SNTG1: variants seen among roughly 807,000 people sequenced by gnomAD.
SNTG1 encodes the protein syntrophin gamma 1.
Under a neutral mutation model 74.7 loss-of-function variants are expected in SNTG1, and 39 were observed. The observed-to-expected ratio is 0.52, with a 90% CI of 0.40 to 0.68. The LOEUF is 0.68. Among genes scored for constraint, SNTG1 ranks in the 30% least tolerant of loss-of-function variants. The pLI is 0.00. For missense variants in SNTG1, 685 were observed against 609.5 expected (o/e 1.12, Z -1.30); for synonymous variants, 254 against 217.1 (o/e 1.17, Z -1.49).
intron 1 of SNTG1, among the ~76,000 whole-genome samples, chr8:50,155,959 T>G (rs1396875172): frequency 6.6e-6 from 1 of 151,184 alleles, no homozygotes; most frequent in Non-Finnish European, 1.5e-5. Flanking sequence ...ACTACATATA[T>G]AGAAGTGTAA....
intron 13 of SNTG1, among the ~76,000 whole-genome samples, chr8:50,600,622 T>A (rs1342901686): frequency 6.6e-6 from 1 of 152,162 alleles, no homozygotes; most frequent in Admixed American, 6.5e-5. Flanking sequence ...ATTGAATTTA[T>A]GTGGTATCAG....
chr8:50,498,776 G>T (rs1008848335), intron 8 of SNTG1, among the ~76,000 whole-genome samples: 1 of 151,802 alleles, frequency 6.6e-6, no homozygotes, highest in Non-Finnish European at 1.5e-5. Context: ...TGTCGTGTAA[G>T]GTATAGCTCA....
At chr8:50,143,330 T>A (rs1282400782) in intron 1 of SNTG1, among the ~76,000 whole-genome samples, 2 of 152,144 alleles carry the variant, frequency 1.3e-5, no homozygotes, top group Non-Finnish European at 2.9e-5. Flanking sequence ...ACTACTAAAT[T>A]TTTATTGAGA....
At position 50,546,984 on chromosome 8, in the gene SNTG1, T is replaced by C. The variant is rs527622017; in HGVS notation, c.681-6066T>C. On this transcript the variant is annotated intron_variant, in intron 11 of 18. Coordinates refer to ENST00000642720, the MANE Select transcript of SNTG1 (RefSeq NM_018967.5). ...TTTTAGTAGAGATGGGGTTTTGCCA[T>C]GTTGGCCAGGCTGGTCTCGAACTCA... Among the ~76,000 whole-genome samples the C allele has an allele frequency of 5.3e-5, 8 of 152,212 alleles. No homozygotes were observed. The East Asian group carries it at 1.4e-3, about 26-fold the overall frequency.
At chr8:50,143,123 A>T (rs968809637) in intron 1 of SNTG1, among the ~76,000 whole-genome samples, 1 of 152,114 alleles carries the variant, frequency 6.6e-6, no homozygotes, top group Non-Finnish European at 1.5e-5. Flanking sequence ...AATAAAGTCC[A>T]TAGTGTCTCC....
In SNTG1 at chr8:50,430,177, A is replaced by G. The variant is rs575468033; in HGVS notation, c.163-8366A>G. Reference sequence around the variant, plus strand: ...ATAAATTAATTGTGGTGAATGCACAACTGTGACTATGCTAAAAGTCATTGA... The same window carrying G: ...ATAAATTAATTGTGGTGAATGCACAGCTGTGACTATGCTAAAAGTCATTGA... On this transcript the variant is annotated intron_variant, in intron 4 of 18. Coordinates refer to ENST00000642720, the MANE Select transcript of SNTG1 (RefSeq NM_018967.5). Among the ~76,000 whole-genome samples, 17 of 152,322 alleles carry G rather than the reference A, an allele frequency of 1.1e-4. No homozygotes were observed. In the South Asian group the frequency reaches 3.3e-3, roughly 30 times the overall value.
intron 1 of SNTG1, among the ~76,000 whole-genome samples, chr8:49,923,593 G>A (rs1027286951): frequency 6.6e-6 from 1 of 152,006 alleles, no homozygotes; most frequent in Non-Finnish European, 1.5e-5. Flanking sequence ...TGAGTCCTAG[G>A]AGGAAGATGG....
chr8:50,671,845 C>G (rs1028235879), intron 15 of SNTG1, among the ~76,000 whole-genome samples: 4 of 151,698 alleles, frequency 2.6e-5, no homozygotes, highest in Non-Finnish European at 5.9e-5. Context: ...ACATATACAC[C>G]ATGGAATATT....
intron 1 of SNTG1, among the ~76,000 whole-genome samples, chr8:50,076,848 CA>C (rs921367593): frequency 6.6e-6 from 1 of 152,002 alleles, no homozygotes; most frequent in African/African-American, 2.4e-5. Flanking sequence ...AGGAGATATC[CA>C]GAACTTTATT....
chr8:50,108,421 T>A (rs1424021902), intron 1 of SNTG1, among the ~76,000 whole-genome samples: 1 of 152,148 alleles, frequency 6.6e-6, no homozygotes, highest in Non-Finnish European at 1.5e-5. Flanking sequence ...TTGCAATAAT[T>A]TCACATGGAA....
intron 8 of SNTG1, among the ~76,000 whole-genome samples, chr8:50,487,509 TA>T (rs933635574): frequency 3.2e-4 from 48 of 152,136 alleles, no homozygotes; most frequent in African/African-American, 1.0e-3. Context: ...TATGCAGCCA[TA>T]AAAAATGATG....
intron 1 of SNTG1, among the ~76,000 whole-genome samples, chr8:50,126,014 T>C (rs995289168): frequency 3.3e-5 from 5 of 152,120 alleles, no homozygotes; most frequent in African/African-American, 1.2e-4. Flanking sequence ...TAGGTGAACT[T>C]TTCCTGCCAT....
At chr8:50,633,737 G>C (rs923351015) in intron 13 of SNTG1, among the ~76,000 whole-genome samples, 2 of 152,104 alleles carry the variant, frequency 1.3e-5, no homozygotes, top group Non-Finnish European at 2.9e-5. Flanking sequence ...ATTCTATGGC[G>C]CTGAAACAGG....
At chr8:50,407,991 G>T (rs1308921429) in intron 4 of SNTG1, among the ~76,000 whole-genome samples, 3 of 152,138 alleles carry the variant, frequency 2.0e-5, no homozygotes, top group African/African-American at 7.2e-5. Context: ...CCAGGCTGAG[G>T]TTTCACAATA....
At chr8:50,229,714 G>A (rs2085521601) in intron 2 of SNTG1, among the ~76,000 whole-genome samples, 1 of 151,342 alleles carries the variant, frequency 6.6e-6, no homozygotes, top group African/African-American at 2.4e-5. Flanking sequence ...TGACTGAATA[G>A]CACTGTAAAT....
intron 13 of SNTG1, among the ~76,000 whole-genome samples, chr8:50,604,942 G>A (rs1215556798): frequency 6.6e-6 from 1 of 152,114 alleles, no homozygotes; most frequent in Non-Finnish European, 1.5e-5. Flanking sequence ...GGGCCCAAAG[G>A]TTCTTTAGTC....
rs372002025 is a variant in SNTG1 at position 50,427,286 on chromosome 8, A to G, written c.163-11257A>G. 5.3e-5 allele frequency among the ~76,000 whole-genome samples: 8 copies of G among 152,326 alleles called. No homozygotes were observed. In the East Asian group the frequency reaches 5.8e-4, roughly 11 times the overall value. On this transcript the variant is annotated intron_variant, in intron 4 of 18. Transcript: ENST00000642720. The stretch of plus-strand genomic sequence containing the variant: ...AAATTACAAGCCAATTTTACTAAGT[A>G]AGCTTTGCAGAAATGTAAACATAAT...
At chr8:50,259,817 A>G (rs2087091434) in intron 2 of SNTG1, among the ~76,000 whole-genome samples, 1 of 152,176 alleles carries the variant, frequency 6.6e-6, no homozygotes, top group South Asian at 2.1e-4. Context: ...AAGAAGCAGG[A>G]AGGTAAATGC....
chr8:50,669,372 C>T (rs192119561), intron 15 of SNTG1, among the ~76,000 whole-genome samples: 408 of 152,130 alleles, frequency 2.7e-3, no homozygotes, highest in Middle Eastern at 6.8e-3. Flanking sequence ...ACCACTGATC[C>T]CACAGAAATA....
Sources: allele counts gnomAD v4.1 joint callset (sites outside exome capture counted in the v4.1 genomes callset), GRCh38; gene constraint gnomAD v4.1.1; transcripts MANE v1.5; gene names NCBI Gene and HGNC (gene_info 2026-07-23, HGNC 2026-07-21).